Variants in CNKSR2 observed in about 807,000 individuals in gnomAD.
CNKSR2 encodes the protein connector enhancer of kinase suppressor of Ras 2.
A neutral mutation model predicts 84.4 loss-of-function variants in CNKSR2; 14 were observed. The observed-to-expected ratio is 0.17, with a 90% CI of 0.11 to 0.26. The LOEUF (loss-of-function observed/expected upper bound fraction) is 0.26, where lower values mean the gene tolerates loss of function less well. Among genes scored for constraint, CNKSR2 ranks in the 10% least tolerant of loss-of-function variants. CNKSR2 has a pLI of 1.00. For synonymous variants in CNKSR2, 275 were observed against 277.9 expected (o/e 0.99, Z 0.10); for missense variants, 485 against 771.2 (o/e 0.63, Z 4.40).
At chrX:21,436,670 A>T (rs1402689534) in intron 3 of CNKSR2, among the ~76,000 whole-genome samples, 1 of 111,205 alleles carries the variant, frequency 9.0e-6, no homozygotes, top group Non-Finnish European at 1.9e-5. Flanking sequence ...CTACTTGAGG[A>T]TTTCTTCAGA....
intron 11 of CNKSR2, among the ~76,000 whole-genome samples, chrX:21,556,895 A>G (rs1050376844): frequency 9.0e-6 from 1 of 110,664 alleles, no homozygotes. Context: ...GCATGTTTAT[A>G]TGCTAATGGG....
chrX:21,425,523 TA>T (rs2090554013), intron 1 of CNKSR2: 1 of 111,562 alleles, frequency 9.0e-6, no homozygotes, highest in Admixed American at 9.6e-5. Context: ...ACATCTTTTC[TA>T]ATTTCATCTC....
chrX:21,511,956 G>C (rs934567581), intron 8 of CNKSR2, among the ~76,000 whole-genome samples: 2 of 111,384 alleles, frequency 1.8e-5, no homozygotes, highest in African/African-American at 6.5e-5. Flanking sequence ...TCAAGGATGG[G>C]TTAGGTGCCC....
At chrX:21,501,878 A>G (rs2091563829) in intron 8 of CNKSR2, among the ~76,000 whole-genome samples, 1 of 109,674 alleles carries the variant, frequency 9.1e-6, no homozygotes, top group African/African-American at 3.3e-5. Context: ...TTTGGAATAG[A>G]AATTAAAGTG....
chrX:21,432,483 A>G (rs886936641), intron 2 of CNKSR2, 129 bp from the exon 3 acceptor site: 5 of 487,401 alleles, frequency 1.0e-5, no homozygotes, highest in Non-Finnish European at 1.7e-5. Context: ...CTAGGTCAGG[A>G]ATCCTATCTT....
intron 13 of CNKSR2, among the ~76,000 whole-genome samples, chrX:21,567,660 T>C (rs1353302364): frequency 1.8e-5 from 2 of 111,879 alleles, no homozygotes; most frequent in Admixed American, 1.9e-4. Flanking sequence ...AAGCATGTTA[T>C]GACATTTTTC....
chrX:21,404,789 CAAAA>C (rs59192713), intron 1 of CNKSR2, among the ~76,000 whole-genome samples: 1 of 30,066 alleles, frequency 3.3e-5, no homozygotes, highest in East Asian at 1.1e-3. Context: ...AACTCTGTCT[CAAAA>C]AAAAAAAAAA....
At chrX:21,444,895 G>A (rs1330005318) in intron 4 of CNKSR2, among the ~76,000 whole-genome samples, 2 of 110,948 alleles carry the variant, frequency 1.8e-5, no homozygotes, top group African/African-American at 3.3e-5. Context: ...AATTAATTTT[G>A]ATTACCCAGG....
chrX:21,648,886 G>A lies in CNKSR2; in HGVS notation c.2748G>A (p.Leu916=), dbSNP rs775524829. The change falls in exon 21 of 22, where the codon CTG becomes CTA. Residue 916 remains leucine, a synonymous_variant. Transcript: ENST00000379510. ...CATTGCAAGATTTATACAGGGCACTGGAGCAGGCCAGTCTGTCACCACTAG... is the reference window on the plus strand; with the variant it reads ...CATTGCAAGATTTATACAGGGCACTAGAGCAGGCCAGTCTGTCACCACTAG... ...GDSLQDLYRA[L]EQASLSPLGE... is the part of the protein sequence containing the mutation. 1.7e-6 allele frequency: 2 copies of A among 1,193,064 alleles called. No individual in the cohort carries two copies. The highest frequency in any genetic ancestry group is 3.6e-5 in the South Asian group (2 of 56,033).
intron 20 of CNKSR2, among the ~76,000 whole-genome samples, chrX:21,615,916 G>C: frequency 9.0e-6 from 1 of 111,682 alleles, no homozygotes; most frequent in Non-Finnish European, 1.9e-5. Flanking sequence ...CGTTCTAGGA[G>C]TAAAATAGAA....
chrX:21,639,234 C>T (rs2092683820), intron 20 of CNKSR2, among the ~76,000 whole-genome samples: 1 of 111,126 alleles, frequency 9.0e-6, no homozygotes, highest in Non-Finnish European at 1.9e-5. Flanking sequence ...AAGTTAAAGA[C>T]ACATAAACAT....
At chrX:21,601,086 CT>C (rs2092478946) in intron 17 of CNKSR2, among the ~76,000 whole-genome samples, 195 bp from the exon 18 acceptor site, 1 of 111,937 alleles carries the variant, frequency 8.9e-6, no homozygotes, top group Non-Finnish European at 1.9e-5. Flanking sequence ...GAAGTAGCAT[CT>C]TTGGTATGGG....
At chrX:21,473,046 T>A (rs778056263) in intron 5 of CNKSR2, among the ~76,000 whole-genome samples, 4 of 111,930 alleles carry the variant, frequency 3.6e-5, no homozygotes, top group East Asian at 2.8e-4. Flanking sequence ...TGACTCATAT[T>A]GACTTTATCT....
intron 20 of CNKSR2, among the ~76,000 whole-genome samples, chrX:21,630,325 A>G (rs2092642102): frequency 8.9e-6 from 1 of 112,322 alleles, no homozygotes. Flanking sequence ...CAAAACACCT[A>G]TAGTGTGATG....
intron 4 of CNKSR2, among the ~76,000 whole-genome samples, chrX:21,463,171 G>A (rs1030979429): frequency 7.2e-5 from 8 of 111,467 alleles, no homozygotes; most frequent in African/African-American, 2.6e-4. Flanking sequence ...TGCAACCCAG[G>A]AATAAATGAC....
intron 3 of CNKSR2, among the ~76,000 whole-genome samples, chrX:21,437,399 G>A (rs779129730): frequency 9.4e-6 from 1 of 106,142 alleles, no homozygotes; most frequent in South Asian, 4.2e-4. Context: ...CTTCAATGCA[G>A]CAAAAATGGT....
chrX:21,474,049 T>C (rs1054351428), intron 5 of CNKSR2, among the ~76,000 whole-genome samples: 11 of 110,083 alleles, frequency 1.0e-4, no homozygotes, highest in African/African-American at 3.7e-4. Context: ...GTGCCTGGCC[T>C]ATTTAGGGTT....
intron 4 of CNKSR2, 91 bp from the exon 5 acceptor site, chrX:21,470,675 A>T (rs1375313658): frequency 2.3e-6 from 1 of 441,604 alleles, no homozygotes; most frequent in Non-Finnish European, 3.7e-6. Flanking sequence ...AATTGTTAAG[A>T]CTTTTAAAAT....
intron 1 of CNKSR2, among the ~76,000 whole-genome samples, chrX:21,410,026 T>TTG (rs1229939811): frequency 1.0e-5 from 1 of 95,572 alleles, no homozygotes; most frequent in African/African-American, 5.2e-5. Context: ...ATAAGCCTAA[T>TTG]TGTGTCTGTG....
Sources: allele counts gnomAD v4.1 joint callset (sites outside exome capture counted in the v4.1 genomes callset), GRCh38; gene constraint gnomAD v4.1.1; transcripts MANE v1.5; gene names NCBI Gene and HGNC (gene_info 2026-07-23, HGNC 2026-07-21).